The following SDK2 variants were observed in gnomAD, a reference collection of about 807,000 sequenced individuals.
The protein encoded by SDK2 is sidekick cell adhesion molecule 2, also known as protein sidekick-2.
SDK2 carries 105 observed loss-of-function variants against 253.9 expected under a neutral mutation model. The ratio of observed to expected loss-of-function variants is 0.41; its 90% CI spans 0.35 to 0.49. SDK2 has a LOEUF of 0.49. Ranked by LOEUF, SDK2 falls within the 20% of genes least tolerant of loss-of-function variation. SDK2 has a pLI of 0.06. For missense variants in SDK2, 2,608 were observed against 3,003.0 expected, an observed-to-expected ratio of 0.87 and a Z score of 3.07; for synonymous variants, 1,249 against 1,234.9, an observed-to-expected ratio of 1.01 and a Z score of -0.24.
chr17:73,410,367 G>A (rs1481091422), intron 18 of SDK2, among the ~76,000 whole-genome samples: 1 of 152,084 alleles, frequency 6.6e-6, no homozygotes, highest in East Asian at 1.9e-4. Flanking sequence ...TGACTGGAGC[G>A]AAGTGGCGTG....
intron 32 of SDK2, 87 bp downstream of exon 32, chr17:73,385,760 C>T (rs540252299): frequency 1.2e-5 from 15 of 1,261,640 alleles, no homozygotes; most frequent in Non-Finnish European, 1.7e-5. Context: ...GGGCTCCACG[C>T]AGCCCTGGTG....
At chr17:73,345,978 G>A (rs953178983) in intron 44 of SDK2, among the ~76,000 whole-genome samples, 7 of 152,106 alleles carry the variant, frequency 4.6e-5, no homozygotes, top group Non-Finnish European at 5.9e-5. Context: ...AGGCCGAGGT[G>A]GGTGGATCAC....
intron 6 of SDK2, 22 bp from the exon 7 acceptor site, chr17:73,438,176 C>A: frequency 6.5e-7 from 1 of 1,542,952 alleles, no homozygotes; most frequent in South Asian, 1.2e-5. Flanking sequence ...AAGGGAAGGC[C>A]AGTGTTCAGC....
At chr17:73,484,339 C>A (rs1030631449) in intron 2 of SDK2, among the ~76,000 whole-genome samples, 1 of 152,206 alleles carries the variant, frequency 6.6e-6, no homozygotes, top group African/African-American at 2.4e-5. Flanking sequence ...GCCAGAGCAG[C>A]CCCATGGACC....
In SDK2 at chr17:73,338,547, T is replaced by G; in HGVS notation, c.*40A>C. 2.4e-6 allele frequency: 3 copies of G among 1,229,158 alleles called. No homozygotes were observed. Among genetic ancestry groups the G allele is most frequent in the Non-Finnish European group, 2.3e-6 (2 of 888,810 alleles). The allele number at this position is 1,229,158 out of a possible 1,614,324, so 76.1% of individuals were successfully genotyped here. On this transcript the variant is annotated 3_prime_UTR_variant, in exon 45 of 45. Coordinates refer to ENST00000392650, the MANE Select transcript of SDK2 (RefSeq NM_001144952.2). The surrounding 1 kb of genome is among the most constrained non-coding windows in gnomAD (Gnocchi z 5.0). ...AGTGAGAGGAGGGGTGAAGGAGGAG[T>G]TTGGTGCCATTTCTCTTTCTGCTTT...
At chr17:73,549,130 C>A (rs76115241) in intron 1 of SDK2, among the ~76,000 whole-genome samples, 2 of 152,274 alleles carry the variant, frequency 1.3e-5, no homozygotes, top group South Asian at 4.1e-4. Flanking sequence ...AATTTCCCTG[C>A]GAAGGAAAAA....
At chr17:73,441,752 A>G (rs971533611) in intron 5 of SDK2, among the ~76,000 whole-genome samples, 5 of 152,212 alleles carry the variant, frequency 3.3e-5, no homozygotes, top group African/African-American at 1.2e-4. Flanking sequence ...CTCAGCTGGT[A>G]GTACTTTGTT....
At chr17:73,611,390 C>T (rs1346022506) in intron 1 of SDK2, among the ~76,000 whole-genome samples, 1 of 152,216 alleles carries the variant, frequency 6.6e-6, no homozygotes, top group Non-Finnish European at 1.5e-5. Flanking sequence ...GGAGCACGCC[C>T]CAGGGCCACT....
intron 1 of SDK2, among the ~76,000 whole-genome samples, chr17:73,588,434 C>G (rs1422398272): frequency 6.7e-6 from 1 of 150,326 alleles, no homozygotes; most frequent in Non-Finnish European, 1.5e-5. Flanking sequence ...AAATTCTGGG[C>G]CTTGTCTCAG....
At chr17:73,348,922 G>A (rs112257538) in intron 43 of SDK2, among the ~76,000 whole-genome samples, 197 bp from the exon 44 acceptor site, 24 of 152,240 alleles carry the variant, frequency 1.6e-4, no homozygotes, top group Non-Finnish European at 2.6e-4. Flanking sequence ...GAAAAATGGG[G>A]TGCCCGGCTA....
Position 73,390,057 on chromosome 17 carries a change from T to G in SDK2, c.4192+230A>C, listed in dbSNP as rs9902454. 0.066 allele frequency among the ~76,000 whole-genome samples: 10,104 copies of G among 152,256 alleles called. 554 individuals carry two copies. Among genetic ancestry groups the G allele is most frequent in the East Asian group, 0.28 (1,451 of 5,176 alleles). On this transcript the variant is annotated intron_variant, in intron 29 of 44. Transcript: ENST00000392650. ...AGCCACTAAGCCTGGCCACAAACTT[T>G]CCCTTTAGAAGACCAGACCAGAGTA...
intron 3 of SDK2, among the ~76,000 whole-genome samples, chr17:73,463,785 C>T (rs189414246): frequency 1.2e-4 from 19 of 152,278 alleles, no homozygotes; most frequent in Admixed American, 9.8e-4. Flanking sequence ...GGATGGAATT[C>T]TGTGGATCAC....
At chr17:73,436,302 C>T (rs1457058576) in intron 8 of SDK2, among the ~76,000 whole-genome samples, 2 of 33,186 alleles carry the variant, frequency 6.0e-5, no homozygotes, top group Non-Finnish European at 1.2e-4. Context: ...TGGGCTGGGC[C>T]GTGGTGGCTC....
Position 73,401,182 on chromosome 17 carries a change from G to T in SDK2, c.2809C>A (p.Arg937=). ...TAGTGGGTCACACGGGTGTTGGTTCGATTGTACTCCTCCCAGGAGATCCGG... is the reference window on the plus strand; with the variant it reads ...TAGTGGGTCACACGGGTGTTGGTTCTATTGTACTCCTCCCAGGAGATCCGG... ...GYRISWEEYN[R]TNTRVTHYLP... Residue 937 remains arginine, a synonymous_variant, in exon 21 of 45, where the codon CGA becomes AGA. Transcript: ENST00000392650. 6.4e-7 allele frequency: 1 copy of T among 1,555,218 alleles called. No homozygotes were observed. The highest frequency in any genetic ancestry group is 8.7e-7 in the Non-Finnish European group (1 of 1,149,014).
chr17:73,609,648 T>C lies in SDK2; in HGVS notation c.64+34377A>G, dbSNP rs1319508913. Among the ~76,000 whole-genome samples the C allele has an allele frequency of 1.3e-5, 2 of 152,152 alleles. No homozygotes were observed. Among genetic ancestry groups the C allele is most frequent in the African/African-American group, 4.8e-5 (2 of 41,442 alleles). On this transcript the variant is annotated intron_variant, in intron 1 of 44. Transcript: ENST00000392650. The surrounding 1 kb of genome is among the most constrained non-coding windows in gnomAD (Gnocchi z 4.4). ...GAGAAATCACAAAGCATTTCTCTGC[T>C]AATGGGAATGACTTTCAAGGGAGGT...
In SDK2 at chr17:73,423,467, G is replaced by A. The variant is rs750289259; in HGVS notation, c.1816C>T (p.Arg606Ter). 3.8e-6 allele frequency: 6 copies of A among 1,592,400 alleles called. No homozygotes were observed. The highest frequency in any genetic ancestry group is 8.6e-7 in the Non-Finnish European group (1 of 1,167,406). The change falls in exon 14 of 45, where the codon CGA becomes TGA. Residue 606 changes from arginine (R) to a stop codon, truncating the protein, a stop_gained. Coordinates refer to ENST00000392650, the MANE Select transcript of SDK2 (RefSeq NM_001144952.2). LOFTEE classifies it high-confidence loss of function. ...PVATLSTVER[R>*]AINLTWTKPF... ...TTGGTCCACGTCAGGTTGATGGCTC[G>A]CCTTTCCACGGTGCTGAGAGTGGCC...
chr17:73,390,140 A>C, intron 29 of SDK2, 147 bp downstream of exon 29: 2 of 696,350 alleles, frequency 2.9e-6, no homozygotes, highest in Non-Finnish European at 4.6e-6. Context: ...CCCCTTGCTG[A>C]CTTTGACTTC....
chr17:73,452,624 A>G (rs1054907410), intron 4 of SDK2, among the ~76,000 whole-genome samples: 1 of 152,164 alleles, frequency 6.6e-6, no homozygotes, highest in Admixed American at 6.5e-5. Context: ...TAGGTTGTAG[A>G]AAGGGTTTCA....
intron 18 of SDK2, among the ~76,000 whole-genome samples, chr17:73,412,682 G>A (rs1220435758): frequency 2.6e-5 from 4 of 152,074 alleles, no homozygotes; most frequent in East Asian, 1.9e-4. Flanking sequence ...CTGGGAGGCC[G>A]AGGCAGTCGA....
Sources: allele counts gnomAD v4.1 joint callset (sites outside exome capture counted in the v4.1 genomes callset), GRCh38; gene constraint gnomAD v4.1.1; non-coding constraint Gnocchi (gnomAD v3.1); transcripts MANE v1.5; gene names NCBI Gene and HGNC (gene_info 2026-07-23, HGNC 2026-07-21).